The following TFAP2D variants were observed in gnomAD, a reference collection of about 807,000 sequenced individuals.
TFAP2D encodes the protein transcription factor AP-2 delta, also known as transcription factor AP-2-delta.
TFAP2D carries 9 observed loss-of-function variants against 43.6 expected under a neutral mutation model. The observed-to-expected ratio is 0.21, with a 90% confidence interval of 0.12 to 0.36. The LOEUF (loss-of-function observed/expected upper bound fraction) is 0.36, where lower values mean the gene tolerates loss of function less well. Ranked by LOEUF, TFAP2D falls within the 10% of genes least tolerant of loss-of-function variation. TFAP2D has a pLI of 1.00. For missense variants in TFAP2D, 513 were observed against 561.4 expected (o/e 0.91, Z 0.87); for synonymous variants, 256 against 224.9 (o/e 1.14, Z -1.24).
intron 7 of TFAP2D, among the ~76,000 whole-genome samples, chr6:50,768,098 A>T (rs1300442407): frequency 1.3e-5 from 2 of 152,216 alleles, no homozygotes; most frequent in Non-Finnish European, 2.9e-5. Context: ...TGCCAAGGGT[A>T]ACTTAAATAT....
At chr6:50,734,517 G>A (rs773395043) in intron 5 of TFAP2D, among the ~76,000 whole-genome samples, 10 of 151,902 alleles carry the variant, frequency 6.6e-5, no homozygotes, top group Non-Finnish European at 1.3e-4. Context: ...TGTCTCATTC[G>A]CAGACCCAGG....
intron 7 of TFAP2D, among the ~76,000 whole-genome samples, chr6:50,751,548 G>C (rs142502552): frequency 3.5e-4 from 53 of 152,020 alleles, no homozygotes; most frequent in Middle Eastern, 3.4e-3. Flanking sequence ...GGTGCCGGCA[G>C]AGTTAATTAG....
intron 6 of TFAP2D, among the ~76,000 whole-genome samples, chr6:50,749,493 A>G (rs762428274): frequency 1.6e-4 from 25 of 152,026 alleles, no homozygotes; most frequent in Non-Finnish European, 2.9e-4. Flanking sequence ...CTTTCTTTGT[A>G]AGAATGGATC....
intron 7 of TFAP2D, 92 bp downstream of exon 7, chr6:50,751,416 T>G: frequency 2.3e-6 from 2 of 851,066 alleles, no homozygotes; most frequent in South Asian, 1.5e-5. Flanking sequence ...CACTTATATG[T>G]TTATATGGTG....
intron 5 of TFAP2D, among the ~76,000 whole-genome samples, chr6:50,742,596 A>AGAT (rs1478568646): frequency 4.6e-5 from 7 of 151,074 alleles, no homozygotes; most frequent in African/African-American, 1.7e-4. Flanking sequence ...ATAGATAGAT[A>AGAT]GATAGATAGA....
At chr6:50,724,367 C>T (rs936829223) in intron 3 of TFAP2D, among the ~76,000 whole-genome samples, 5 of 151,988 alleles carry the variant, frequency 3.3e-5, no homozygotes, top group Non-Finnish European at 5.9e-5. Context: ...GAATTGTAAA[C>T]ATCTGTTTGG....
At chr6:50,762,852 C>CAG (rs985135813) in intron 7 of TFAP2D, among the ~76,000 whole-genome samples, 1 of 151,744 alleles carries the variant, frequency 6.6e-6, no homozygotes, top group African/African-American at 2.4e-5. Flanking sequence ...TAGTTAGAGA[C>CAG]AGAGAGAGAC....
chr6:50,722,321 T>C (rs886811911), intron 3 of TFAP2D, among the ~76,000 whole-genome samples: 2 of 152,316 alleles, frequency 1.3e-5, no homozygotes, highest in African/African-American at 4.8e-5. Flanking sequence ...GCGTAGGCTT[T>C]GATATGTTAA....
At chr6:50,735,612 G>A (rs9395617) in intron 5 of TFAP2D, among the ~76,000 whole-genome samples, 49,007 of 151,900 alleles carry the variant, frequency 0.32, 8,112 homozygotes, top group East Asian at 0.43. Flanking sequence ...AAGGATGCCA[G>A]TTCATTAAGT....
Position 50,713,630 on chromosome 6 carries a change from G to T in TFAP2D, c.-426G>T, listed in dbSNP as rs920597987. On this transcript the variant is annotated 5_prime_UTR_variant, in exon 1 of 8. It removes an upstream start codon present in the reference 5' UTR. Coordinates refer to ENST00000008391, the MANE Select transcript of TFAP2D (RefSeq NM_172238.4). ...AAGCATGATAAAGGTTGGAAAAAATGGATAAAAATGTTGAAAGAACCTCCA... is the reference window on the plus strand; with the variant it reads ...AAGCATGATAAAGGTTGGAAAAAATTGATAAAAATGTTGAAAGAACCTCCA... Among the ~76,000 whole-genome samples, 6 of 152,190 alleles carry T rather than the reference G, an allele frequency of 3.9e-5. No individual in the cohort carries two copies. Among genetic ancestry groups the T allele is most frequent in the South Asian group, 2.1e-4 (1 of 4,808 alleles).
At chr6:50,755,946 C>T (rs1307899288) in intron 7 of TFAP2D, among the ~76,000 whole-genome samples, 7 of 151,802 alleles carry the variant, frequency 4.6e-5, no homozygotes, top group Non-Finnish European at 1.0e-4. Context: ...AGTGCAGTGG[C>T]TCAATCATGT....
rs1407036665 is a variant in TFAP2D, at chr6:50,715,506, G to T, written c.430G>T (p.Asp144Tyr). The change falls in exon 2 of 8, where the codon GAC becomes TAC. Residue 144 changes from aspartate to tyrosine, a missense_variant. Around this residue, in one of 3 missense-constraint regions of TFAP2D, gnomAD observed 311 missense variants for 316.2 expected, o/e 0.98. Coordinates refer to ENST00000008391, the MANE Select transcript of TFAP2D (RefSeq NM_172238.4). ...CTGCCTCGATGCCTACCGCCGCCAT[G>T]ACCTGTCCCTCATGAGCCATGGCTC... The part of the protein sequence containing the change: ...LGCLDAYRRH[D>Y]LSLMSHGSQY... The T allele has an allele frequency of 6.2e-7, 1 of 1,613,404 alleles. No homozygotes were observed.
intron 5 of TFAP2D, among the ~76,000 whole-genome samples, chr6:50,730,560 C>T (rs748956594): frequency 3.3e-5 from 5 of 151,974 alleles, no homozygotes; most frequent in Non-Finnish European, 7.4e-5. Flanking sequence ...CAGATTTCTG[C>T]ACATTTTAAG....
At chr6:50,715,048 G>C (rs1768593209) in intron 1 of TFAP2D, 68 bp from the exon 2 acceptor site, 2 of 1,554,890 alleles carry the variant, frequency 1.3e-6, no homozygotes, top group Non-Finnish European at 1.7e-6. Flanking sequence ...CCGGGAGAGC[G>C]GCGCCTTGGT....
chr6:50,772,732 G>A lies in TFAP2D; in HGVS notation c.1227G>A (p.Leu409=), dbSNP rs765540577. 7 of 1,613,966 alleles carry A rather than the reference G, an allele frequency of 4.3e-6. No individual in the cohort carries two copies. The highest frequency in any genetic ancestry group is 1.1e-5 in the South Asian group (1 of 91,084). The change falls in exon 8 of 8, where the codon TTG becomes TTA. Residue 409 remains leucine, a synonymous_variant. Transcript: ENST00000008391. Reference sequence around the variant, plus strand: ...TTCTCAGTGAAATGCTGAACTACTTGGAAAAACACACTACTCACAAGAACG... The same window carrying A: ...TTCTCAGTGAAATGCTGAACTACTTAGAAAAACACACTACTCACAAGAACG... ...QTVLSEMLNY[L]EKHTTHKNGG...
intron 7 of TFAP2D, among the ~76,000 whole-genome samples, chr6:50,764,627 A>G (rs1383007038): frequency 6.6e-6 from 1 of 152,230 alleles, no homozygotes; most frequent in Non-Finnish European, 1.5e-5. Context: ...AGGAAAAAAT[A>G]TCACTGCAGA....
intron 5 of TFAP2D, among the ~76,000 whole-genome samples, chr6:50,739,189 T>G (rs1261386524): frequency 6.6e-6 from 1 of 152,160 alleles, no homozygotes; most frequent in African/African-American, 2.4e-5. Flanking sequence ...GTCATTTACA[T>G]TAGGTATATC....
At chr6:50,754,130 TCTC>T (rs1769234384) in intron 7 of TFAP2D, among the ~76,000 whole-genome samples, 1 of 151,924 alleles carries the variant, frequency 6.6e-6, no homozygotes. Flanking sequence ...CTCCCATTCT[TCTC>T]CTCTCCCCAG....
intron 5 of TFAP2D, among the ~76,000 whole-genome samples, chr6:50,735,747 T>C (rs1768954105): frequency 1.3e-5 from 2 of 152,158 alleles, no homozygotes; most frequent in African/African-American, 4.8e-5. Flanking sequence ...TGAGCCTAAA[T>C]TATTGCATTC....
Sources: gnomAD v4.1 joint callset for allele counts (sites outside exome capture counted in the v4.1 genomes callset) on GRCh38, gnomAD v4.1.1 for gene constraint, gnomAD v4.1.1 regional missense constraint, MANE v1.5 for transcripts, NCBI Gene and HGNC (gene_info 2026-07-23, HGNC 2026-07-21) for gene names.